The following SLC25A43 variants were observed in gnomAD, a reference collection of about 807,000 sequenced individuals.
The protein encoded by SLC25A43 is solute carrier family 25, member 43.
In SLC25A43, 10 loss-of-function variants were observed where a neutral mutation model predicts 22.8. That is an observed-to-expected ratio of 0.44 (90% CI 0.27 to 0.74). The LOEUF (loss-of-function observed/expected upper bound fraction) is 0.74. SLC25A43 is among the 30% of genes least tolerant of loss of function. The probability of loss-of-function intolerance (pLI) is 0.17; values close to 1 mark genes in which losing one functional copy is unlikely to be tolerated. For synonymous variants in SLC25A43, 106 were observed against 121.6 expected (o/e 0.87, Z 0.84); for missense variants, 233 against 279.1 (o/e 0.83, Z 1.18).
intron 3 of SLC25A43, among the ~76,000 whole-genome samples, chrX:119,443,916 G>T (rs2052644566): frequency 9.3e-6 from 1 of 107,359 alleles, no homozygotes; most frequent in Admixed American, 1.0e-4. Flanking sequence ...CATCATGCCC[G>T]GCTAATTTTT....
chrX:119,450,901 G>A (rs1196436716), intron 3 of SLC25A43, among the ~76,000 whole-genome samples: 6 of 112,323 alleles, frequency 5.3e-5, no homozygotes, highest in African/African-American at 1.9e-4. Flanking sequence ...AGTGGCTCAC[G>A]CCTGTAATCC....
chrX:119,424,635 A>T (rs1417236638), intron 3 of SLC25A43, among the ~76,000 whole-genome samples: 1 of 104,246 alleles, frequency 9.6e-6, no homozygotes, highest in Non-Finnish European at 2.0e-5. Context: ...GAGAAAATCA[A>T]TACTTTGCAA....
At chrX:119,420,179 T>C (rs2052439805) in intron 3 of SLC25A43, among the ~76,000 whole-genome samples, 1 of 111,609 alleles carries the variant, frequency 9.0e-6, no homozygotes, top group African/African-American at 3.3e-5. Context: ...AGCTGGGATA[T>C]AAGCCCAGGG....
At chrX:119,421,895 C>T (rs2052456508) in intron 3 of SLC25A43, among the ~76,000 whole-genome samples, 1 of 111,579 alleles carries the variant, frequency 9.0e-6, no homozygotes, top group African/African-American at 3.3e-5. Flanking sequence ...GTTCTAAGAG[C>T]TTTGTGGGTG....
At chrX:119,429,201 G>A (rs1280748586) in intron 3 of SLC25A43, among the ~76,000 whole-genome samples, 2 of 109,518 alleles carry the variant, frequency 1.8e-5, no homozygotes, top group Non-Finnish European at 3.8e-5. Flanking sequence ...ACAGGCACAC[G>A]CCACCATGCC....
intron 3 of SLC25A43, among the ~76,000 whole-genome samples, chrX:119,430,979 A>G (rs1252854450): frequency 1.8e-5 from 2 of 111,958 alleles, no homozygotes; most frequent in Non-Finnish European, 3.8e-5. Context: ...ACAAGTCTGT[A>G]AAGGGCTAAG....
At position 119,452,911 on chromosome X, in the gene SLC25A43, A is replaced by G; in HGVS notation, c.872A>G (p.Lys291Arg). The change falls in exon 5 of 5, where the codon AAG becomes AGG. Residue 291 changes from lysine (K) to arginine (R), a missense_variant. By Grantham distance (26) the Lys-to-Arg change is conservative (BLOSUM62 2). Transcript: ENST00000217909. ...ATGTTTAGCACCTTTGAGTTCTGCAAGAGAATCTGTCTTTATCAAAATGGT... is the reference window on the plus strand; with the variant it reads ...ATGTTTAGCACCTTTGAGTTCTGCAGGAGAATCTGTCTTTATCAAAATGGT... ...GIMFSTFEFC[K>R]RICLYQNGYI... The G allele has an allele frequency of 8.3e-7, 1 of 1,211,581 alleles. No homozygotes were observed. Among genetic ancestry groups the G allele is most frequent in the Non-Finnish European group, 1.1e-6 (1 of 895,126 alleles).
Position 119,399,412 on chromosome X carries a change from G to A in SLC25A43, c.9G>A (p.Thr3=), listed in dbSNP as rs1012221372. 9.8e-6 allele frequency: 10 copies of A among 1,016,593 alleles called. No homozygotes were observed. Among genetic ancestry groups the A allele is most frequent in the Non-Finnish European group, 1.1e-5 (9 of 800,883 alleles). The allele number at this position is 1,016,593 out of a possible 1,213,427, so 83.8% of individuals were successfully genotyped here. MA[T]WRRDGRLTGG... is the part of the protein sequence containing the mutation. ...GCCCGGGTCGGGGCTCGATGGCTAC[G>A]TGGAGGCGGGACGGCCGACTGACAG... is the stretch of plus-strand genomic sequence containing the variant. The change falls in exon 1 of 5, where the codon ACG becomes ACA. Residue 3 remains threonine, a synonymous_variant. Coordinates refer to ENST00000217909, the MANE Select transcript of SLC25A43 (RefSeq NM_145305.3).
At position 119,453,341 on chromosome X, in the gene SLC25A43, C is replaced by A. The variant is rs1281024712; in HGVS notation, c.*276C>A. 9.5e-6 allele frequency: 3 copies of A among 315,619 alleles called. No homozygotes were observed. In the Admixed American group the frequency reaches 1.6e-4, roughly 17 times the overall value. The allele number at this position is 315,619 out of a possible 1,213,427, so 26.0% of individuals were successfully genotyped here. A position where few individuals can be genotyped will look rare whatever the true frequency, so the allele number is the denominator to read the frequency against. ...GCAGTGATAAAATGTACAATTTACG[C>A]TCTGAATAGAAACATGACACCAAAG... On this transcript the variant is annotated 3_prime_UTR_variant, in exon 5 of 5. Coordinates refer to ENST00000217909, the MANE Select transcript of SLC25A43 (RefSeq NM_145305.3).
At chrX:119,401,971 T>G (rs981352817) in intron 1 of SLC25A43, among the ~76,000 whole-genome samples, 3 of 111,247 alleles carry the variant, frequency 2.7e-5, no homozygotes, top group African/African-American at 9.8e-5. Flanking sequence ...AGGAATTTTT[T>G]TTCCCCTACA....
chrX:119,423,528 CAAA>C (rs748525722), intron 3 of SLC25A43: 9,538 of 44,600 alleles, frequency 0.21, 664 homozygotes, highest in African/African-American at 0.41. Context: ...GACTCTGTCT[CAAA>C]AAAAAAAAAA....
chrX:119,408,015 A>C (rs1482201438), intron 2 of SLC25A43, among the ~76,000 whole-genome samples: 1 of 110,733 alleles, frequency 9.0e-6, no homozygotes, highest in African/African-American at 3.3e-5. Context: ...TTCCCCGTGC[A>C]CTGCTGCCCG....
At chrX:119,435,454 A>ATTTTT (rs2052594617) in intron 3 of SLC25A43, among the ~76,000 whole-genome samples, 1 of 47,150 alleles carries the variant, frequency 2.1e-5, no homozygotes, top group Non-Finnish European at 3.6e-5. Context: ...TTTAGATTTT[A>ATTTTT]TTCTTTTTTT....
At chrX:119,426,919 T>C (rs1170561510) in intron 3 of SLC25A43, among the ~76,000 whole-genome samples, 3 of 110,885 alleles carry the variant, frequency 2.7e-5, no homozygotes, top group Non-Finnish European at 5.7e-5. Context: ...ACCTTGGATA[T>C]GTATAGCTAA....
At chrX:119,445,511 G>A (rs1002315342) in intron 3 of SLC25A43, among the ~76,000 whole-genome samples, 10 of 111,492 alleles carry the variant, frequency 9.0e-5, no homozygotes, top group African/African-American at 2.9e-4. Context: ...TGAGTTAGGT[G>A]GCTGTTAGGG....
intron 3 of SLC25A43, among the ~76,000 whole-genome samples, chrX:119,441,917 C>T (rs1280869602): frequency 2.7e-5 from 3 of 110,593 alleles, no homozygotes; most frequent in Non-Finnish European, 5.7e-5. Context: ...GGTGAAACCC[C>T]GTCTGTACTA....
At chrX:119,446,581 T>C (rs1457183927) in intron 3 of SLC25A43, among the ~76,000 whole-genome samples, 1 of 112,853 alleles carries the variant, frequency 8.9e-6, no homozygotes, top group East Asian at 2.7e-4. Context: ...CCATCTACAA[T>C]GTCTTGTGAA....
chrX:119,403,580 G>A (rs1211578476), intron 1 of SLC25A43, among the ~76,000 whole-genome samples: 1 of 111,906 alleles, frequency 8.9e-6, no homozygotes, highest in Non-Finnish European at 1.9e-5. Flanking sequence ...GAGCCACCAC[G>A]CCCAGCCCCA....
At chrX:119,406,418 C>A in intron 1 of SLC25A43, 42 bp from the exon 2 acceptor site, 2 of 1,200,815 alleles carry the variant, frequency 1.7e-6, no homozygotes, top group Non-Finnish European at 1.1e-6. Context: ...CTAGCACAAT[C>A]CATAGTTGAT....
Sources: allele counts gnomAD v4.1 joint callset (sites outside exome capture counted in the v4.1 genomes callset), GRCh38; gene constraint gnomAD v4.1.1; transcripts MANE v1.5; gene names NCBI Gene and HGNC (gene_info 2026-07-23, HGNC 2026-07-21).